CACNG2: variants seen among roughly 807,000 people sequenced by gnomAD.
CACNG2 encodes the protein calcium voltage-gated channel auxiliary subunit gamma 2.
Under a neutral mutation model 25.9 loss-of-function variants are expected in CACNG2, and 3 were observed. The ratio of observed to expected loss-of-function variants is 0.12; its 90% CI spans 0.05 to 0.30. The LOEUF is 0.30. Ranked by LOEUF, CACNG2 falls within the 10% of genes least tolerant of loss-of-function variation. CACNG2 has a pLI of 1.00. For synonymous variants in CACNG2, 167 were observed against 173.3 expected (o/e 0.96, Z 0.29); for missense variants, 341 against 432.5 (o/e 0.79, Z 1.88).
At chr22:36,593,363 C>T (rs955221650) in intron 1 of CACNG2, among the ~76,000 whole-genome samples, 6 of 152,142 alleles carry the variant, frequency 3.9e-5, no homozygotes, top group Non-Finnish European at 8.8e-5. Flanking sequence ...TCCCCAAAGA[C>T]TGAATGGCGG....
At chr22:36,576,128 A>G (rs1418887165) in intron 2 of CACNG2, among the ~76,000 whole-genome samples, 1 of 152,246 alleles carries the variant, frequency 6.6e-6, no homozygotes, top group Non-Finnish European at 1.5e-5. Context: ...TGTGGAACCA[A>G]CCCAAATACC....
chr22:36,634,396 A>C (rs2145960933), intron 1 of CACNG2, among the ~76,000 whole-genome samples: 1 of 152,318 alleles, frequency 6.6e-6, no homozygotes, highest in East Asian at 1.9e-4. Flanking sequence ...TGTGTGTTGG[A>C]GACAGTGGAG....
At chr22:36,665,167 C>T (rs1936858567) in intron 1 of CACNG2, among the ~76,000 whole-genome samples, 1 of 152,208 alleles carries the variant, frequency 6.6e-6, no homozygotes, top group African/African-American at 2.4e-5. Context: ...GCTTCTCTTC[C>T]CAGTGTCTGC....
intron 1 of CACNG2, among the ~76,000 whole-genome samples, chr22:36,624,405 C>A (rs1357643428): frequency 6.6e-6 from 1 of 152,146 alleles, no homozygotes; most frequent in Non-Finnish European, 1.5e-5. Flanking sequence ...CTCTCTTTTC[C>A]AGATGAGAAA....
At chr22:36,699,546 G>A (rs965035340) in intron 1 of CACNG2, among the ~76,000 whole-genome samples, 3 of 151,466 alleles carry the variant, frequency 2.0e-5, no homozygotes, top group African/African-American at 7.3e-5. Context: ...AGACAGGGTT[G>A]TTTTTCATCT....
intron 1 of CACNG2, among the ~76,000 whole-genome samples, chr22:36,657,402 C>T (rs1936722744): frequency 6.6e-6 from 1 of 152,144 alleles, no homozygotes; most frequent in Non-Finnish European, 1.5e-5. Context: ...AAAACAGTCC[C>T]AGCCCTGGAA....
At chr22:36,675,103 C>A (rs1937003749) in intron 1 of CACNG2, among the ~76,000 whole-genome samples, 1 of 152,174 alleles carries the variant, frequency 6.6e-6, no homozygotes, top group Non-Finnish European at 1.5e-5. Flanking sequence ...GTGTTGTGAT[C>A]ACGGCTCACT....
At chr22:36,700,783 A>G (rs945698231) in intron 1 of CACNG2, among the ~76,000 whole-genome samples, 13 of 152,316 alleles carry the variant, frequency 8.5e-5, no homozygotes, top group Non-Finnish European at 1.6e-4. Flanking sequence ...TATTCAGCAT[A>G]GAGCTCCTCT....
chr22:36,685,751 C>CG (rs1203783501), intron 1 of CACNG2, among the ~76,000 whole-genome samples: 1 of 152,262 alleles, frequency 6.6e-6, no homozygotes, highest in Admixed American at 6.5e-5. Context: ...ACCCTAGGAG[C>CG]GGCTGATTCC....
chr22:36,588,070 G>T lies in CACNG2; in HGVS notation c.212-522C>A, dbSNP rs140779390. 8.1e-3 allele frequency among the ~76,000 whole-genome samples: 1,230 copies of T among 152,250 alleles called. 15 individuals are homozygous for T. The highest frequency in any genetic ancestry group is 0.018 in the South Asian group (86 of 4,812). ...CGCACGGAATTCACCAAACCCAGCCGCCAACTGCTCTGAAATAAATATGGG... is the reference window on the plus strand; with the variant it reads ...CGCACGGAATTCACCAAACCCAGCCTCCAACTGCTCTGAAATAAATATGGG... On this transcript the variant is annotated intron_variant, in intron 1 of 3. Coordinates refer to ENST00000300105, the MANE Select transcript of CACNG2 (RefSeq NM_006078.5).
At chr22:36,701,512 C>A (rs905240695) in intron 1 of CACNG2, among the ~76,000 whole-genome samples, 27 of 151,578 alleles carry the variant, frequency 1.8e-4, no homozygotes, top group Non-Finnish European at 5.9e-5. Flanking sequence ...GACACCCCCA[C>A]TCCCCCCTCA....
intron 1 of CACNG2, among the ~76,000 whole-genome samples, chr22:36,674,667 C>T (rs917633097): frequency 6.6e-6 from 1 of 152,300 alleles, no homozygotes; most frequent in East Asian, 1.9e-4. Flanking sequence ...CCCCATTTTA[C>T]AGATGAGGAA....
chr22:36,622,049 A>G (rs1472437162), intron 1 of CACNG2, among the ~76,000 whole-genome samples: 1 of 152,190 alleles, frequency 6.6e-6, no homozygotes, highest in Non-Finnish European at 1.5e-5. Flanking sequence ...AACTTTCCAA[A>G]CACCATTACA....
chr22:36,609,971 G>A (rs1258050443), intron 1 of CACNG2, among the ~76,000 whole-genome samples: 3 of 151,114 alleles, frequency 2.0e-5, no homozygotes, highest in African/African-American at 4.9e-5. Flanking sequence ...GAGCGTGACC[G>A]GGCAGGAATC....
chr22:36,676,424 C>T (rs985066114), intron 1 of CACNG2, among the ~76,000 whole-genome samples: 1 of 152,186 alleles, frequency 6.6e-6, no homozygotes, highest in East Asian at 1.9e-4. Flanking sequence ...GCAGCTGGCA[C>T]ATAGCCCGGT....
intron 1 of CACNG2, among the ~76,000 whole-genome samples, chr22:36,657,973 A>C (rs1936732885): frequency 1.3e-5 from 2 of 152,144 alleles, no homozygotes; most frequent in South Asian, 4.2e-4. Context: ...TGAAGTGGGC[A>C]CAGGCTTTGT....
At chr22:36,605,309 A>G (rs1935814413) in intron 1 of CACNG2, among the ~76,000 whole-genome samples, 1 of 152,164 alleles carries the variant, frequency 6.6e-6, no homozygotes. Flanking sequence ...CCTTGGCCTC[A>G]AGTGATTCAC....
intron 1 of CACNG2, among the ~76,000 whole-genome samples, chr22:36,642,098 A>G (rs1390324719): frequency 6.6e-6 from 1 of 152,150 alleles, no homozygotes; most frequent in Admixed American, 6.5e-5. Flanking sequence ...TCGGAGGGGA[A>G]GCTGATTCTG....
intron 1 of CACNG2, among the ~76,000 whole-genome samples, chr22:36,683,778 G>A (rs1937159125): frequency 6.6e-6 from 1 of 152,092 alleles, no homozygotes; most frequent in African/African-American, 2.4e-5. Flanking sequence ...TGAACACCCT[G>A]GAGGAAACCA....
Sources: allele counts gnomAD v4.1 joint callset (sites outside exome capture counted in the v4.1 genomes callset), GRCh38; gene constraint gnomAD v4.1.1; transcripts MANE v1.5; gene names NCBI Gene and HGNC (gene_info 2026-07-23, HGNC 2026-07-21).